Variants in HCN3 observed in about 807,000 individuals in gnomAD.
The protein encoded by HCN3 is potassium/sodium hyperpolarization-activated cyclic nucleotide-gated channel 3.
A neutral mutation model predicts 56.8 loss-of-function variants in HCN3; 36 were observed. The ratio of observed to expected loss-of-function variants is 0.63; its 90% CI spans 0.49 to 0.84. The LOEUF (loss-of-function observed/expected upper bound fraction) is 0.84. HCN3 is among the 40% of genes least tolerant of loss of function. The pLI, the probability that HCN3 is intolerant of heterozygous loss-of-function variation, is 0.00. For missense variants in HCN3, 930 were observed against 1,079.3 expected, an observed-to-expected ratio of 0.86 and a Z score of 1.94; for synonymous variants, 425 against 439.7, an observed-to-expected ratio of 0.97 and a Z score of 0.42.
In HCN3 at chr1:155,282,378, A is replaced by C. The variant is rs757979639; in HGVS notation, c.279-33A>C. On this transcript the variant is annotated intron_variant, in intron 1 of 7. Transcript: ENST00000368358. This position sits in a 1 kb window ranked among gnomAD's most constrained non-coding sequence, Gnocchi z 4.7. ...GTCTAGTGGCTGGTGAAATATCCTCATGGTCTTACTCCTCATCTCACTCCC... is the reference window on the plus strand; with the variant it reads ...GTCTAGTGGCTGGTGAAATATCCTCCTGGTCTTACTCCTCATCTCACTCCC... 1.9e-6 allele frequency: 3 copies of C among 1,599,740 alleles called. No individual in the cohort carries two copies. Among genetic ancestry groups the C allele is most frequent in the South Asian group, 2.2e-5 (2 of 89,774 alleles).
Position 155,284,173 on chromosome 1 carries a change from C to T in HCN3, c.870+38C>T. Reference sequence around the variant, plus strand: ...CACAGCTCTGCCTTTCCTGGGCCTTCTTAGGGCTCTTCTGCCTGAGTAGCA... The same window carrying T: ...CACAGCTCTGCCTTTCCTGGGCCTTTTTAGGGCTCTTCTGCCTGAGTAGCA... On this transcript the variant is annotated intron_variant, in intron 3 of 7. Transcript: ENST00000368358. The surrounding 1 kb of genome is among the most constrained non-coding windows in gnomAD (Gnocchi z 4.3). The T allele has an allele frequency of 1.2e-6, 2 of 1,603,450 alleles. No individual in the cohort carries two copies. Among genetic ancestry groups the T allele is most frequent in the South Asian group, 2.2e-5 (2 of 90,198 alleles).
chr1:155,288,231 C>T lies in HCN3; in HGVS notation c.2093C>T (p.Pro698Leu), dbSNP rs545000025. Residue 698 changes from proline to leucine, a missense_variant, in exon 8 of 8, where the codon CCA becomes CTA. By Grantham distance (98) the Pro-to-Leu change is moderately conservative (BLOSUM62 -3). Transcript: ENST00000368358. The surrounding 1 kb of genome is among the most constrained non-coding windows in gnomAD (Gnocchi z 6.5). ...RSQVSLLGPPPGGGGRRLGPR... is the reference protein window; with the variant it reads ...RSQVSLLGPPLGGGGRRLGPR... ...CAGGTCTCCCTGCTGGGTCCCCCTC[C>T]AGGAGGAGGTGGACGGCGGCTAGGA... 6.3e-7 allele frequency: 1 copy of T among 1,582,458 alleles called. No homozygotes were observed. The highest frequency in any genetic ancestry group is 1.1e-5 in the South Asian group (1 of 88,960).
chr1:155,277,481 C>T lies in HCN3; in HGVS notation c.-110C>T. 7.5e-7 allele frequency: 1 copy of T among 1,332,160 alleles called. No homozygotes were observed. The highest frequency in any genetic ancestry group is 1.0e-6 in the Non-Finnish European group (1 of 1,004,724). The allele number at this position is 1,332,160 out of a possible 1,614,324, so 82.5% of individuals were successfully genotyped here. A position where few individuals can be genotyped will look rare whatever the true frequency, so the allele number is the denominator to read the frequency against. On this transcript the variant is annotated 5_prime_UTR_variant, in exon 1 of 8. Coordinates refer to ENST00000368358, the MANE Select transcript of HCN3 (RefSeq NM_020897.3). ...CGCCGGCGATTCCGAGCCTACGACG[C>T]CTCCGCTAGAGCCCGCGGGGCTGCG... is the stretch of plus-strand genomic sequence containing the variant.
At chr1:155,279,108 G>T (rs1241352405) in intron 1 of HCN3, among the ~76,000 whole-genome samples, 1 of 152,176 alleles carries the variant, frequency 6.6e-6, no homozygotes, top group Non-Finnish European at 1.5e-5. Context: ...CAGTCTAAGG[G>T]GCTTCCCAGA....
chr1:155,280,183 G>T (rs1318299840), intron 1 of HCN3, among the ~76,000 whole-genome samples: 4 of 151,958 alleles, frequency 2.6e-5, no homozygotes, highest in African/African-American at 9.7e-5. Context: ...TTGACCTCGT[G>T]ATCCACCCAC....
intron 6 of HCN3, among the ~76,000 whole-genome samples, chr1:155,286,732 C>T (rs1184147967): frequency 6.6e-6 from 1 of 151,746 alleles, no homozygotes; most frequent in Admixed American, 6.6e-5. Flanking sequence ...CCACCCACTA[C>T]TCCCATCATG....
Position 155,277,882 on chromosome 1 carries a change from G to C in HCN3, c.278+14G>C. The C allele has an allele frequency of 6.2e-7, 1 of 1,610,688 alleles. No individual in the cohort carries two copies. The highest frequency in any genetic ancestry group is 8.5e-7 in the Non-Finnish European group (1 of 1,179,108). On this transcript the variant is annotated intron_variant, in intron 1 of 7. Coordinates refer to ENST00000368358, the MANE Select transcript of HCN3 (RefSeq NM_020897.3). ...CAGCGACTTCCGGTATTGGGGGCTTGGCGGGGAGGGCAGGGTACATCAATC... is the reference window on the plus strand; with the variant it reads ...CAGCGACTTCCGGTATTGGGGGCTTCGCGGGGAGGGCAGGGTACATCAATC...
In HCN3 at chr1:155,284,829, A is replaced by ATTCTGATGTGTGCCCCTGTTGCG; in HGVS notation, c.1089+74_1089+96dup. ...GACTGGGTAGCCTGACTTGAGGCCC[A>ATTCTGATGTGTGCCCCTGTTGCG]TTCTGATGTGTGCCCCTGTTGCGTC... On this transcript the variant is annotated intron_variant, in intron 4 of 7. Coordinates refer to ENST00000368358, the MANE Select transcript of HCN3 (RefSeq NM_020897.3). This position sits in a 1 kb window ranked among gnomAD's most constrained non-coding sequence, Gnocchi z 4.3. The ATTCTGATGTGTGCCCCTGTTGCG allele has an allele frequency of 7.5e-7, 1 of 1,333,736 alleles. No homozygotes were observed. The highest frequency in any genetic ancestry group is 1.3e-5 in the South Asian group (1 of 74,174). The allele number at this position is 1,333,736 out of a possible 1,614,324, so 82.6% of individuals were successfully genotyped here. A position where few individuals can be genotyped will look rare whatever the true frequency, so the allele number is the denominator to read the frequency against.
chr1:155,284,858 GT>G lies in HCN3; in HGVS notation c.1089+104del. ...TGATGTGTGCCCCTGTTGCGTCTCT[GT>G]TTCCTTTCCTGCCCTGTGTCCATTT... On this transcript the variant is annotated intron_variant, in intron 4 of 7. Transcript: ENST00000368358. This position sits in a 1 kb window ranked among gnomAD's most constrained non-coding sequence, Gnocchi z 4.3. 9.0e-7 allele frequency: 1 copy of G among 1,108,930 alleles called. No individual in the cohort carries two copies. Among genetic ancestry groups the G allele is most frequent in the Non-Finnish European group, 1.3e-6 (1 of 773,040 alleles). The allele number at this position is 1,108,930 out of a possible 1,614,324, so 68.7% of individuals were successfully genotyped here.
rs747396154 is a variant in HCN3, at chr1:155,288,081, G to T, written c.1943G>T (p.Arg648Leu). 1.2e-6 allele frequency: 2 copies of T among 1,611,730 alleles called. No homozygotes were observed. Among genetic ancestry groups the T allele is most frequent in the African/African-American group, 1.3e-5 (1 of 74,960 alleles). ...PATLLARSAW[R>L]SAGSPASPLV... ...ACCCTCCTTGCTCGCTCTGCTTGGCGCTCAGCAGGCTCTCCAGCTTCCCCG... is the reference window on the plus strand; with the variant it reads ...ACCCTCCTTGCTCGCTCTGCTTGGCTCTCAGCAGGCTCTCCAGCTTCCCCG... The change falls in exon 8 of 8, where the codon CGC becomes CTC. Residue 648 changes from arginine (R) to leucine (L), a missense_variant. Arg to Leu is a moderately radical substitution (Grantham distance 102, BLOSUM62 -2). Transcript: ENST00000368358. The surrounding 1 kb of genome is among the most constrained non-coding windows in gnomAD (Gnocchi z 6.5).
Position 155,285,920 on chromosome 1 carries a change from G to T in HCN3, c.1433G>T (p.Arg478Leu). ...IQHGLLSVLARGARDTRLTDG... is the reference protein window; with the variant it reads ...IQHGLLSVLALGARDTRLTDG... The stretch of plus-strand genomic sequence containing the variant: ...CATGGGCTGCTCAGTGTGCTGGCCC[G>T]CGGCGCCCGGGACACACGCCTCACC... The change falls in exon 6 of 8, where the codon CGC (arginine) becomes CTC (leucine). Residue 478 changes from arginine to leucine, a missense_variant. Coordinates refer to ENST00000368358, the MANE Select transcript of HCN3 (RefSeq NM_020897.3). The surrounding 1 kb of genome is among the most constrained non-coding windows in gnomAD (Gnocchi z 4.5). 1 of 1,607,542 alleles carries T rather than the reference G, an allele frequency of 6.2e-7. No individual in the cohort carries two copies. Among genetic ancestry groups the T allele is most frequent in the Non-Finnish European group, 8.5e-7 (1 of 1,175,056 alleles).
At chr1:155,286,919 A>T (rs1485227906) in intron 6 of HCN3, among the ~76,000 whole-genome samples, 1 of 152,062 alleles carries the variant, frequency 6.6e-6, no homozygotes, top group African/African-American at 2.4e-5. Flanking sequence ...GGCCAGCAAG[A>T]CCTGCCTGGT....
At chr1:155,277,908 C>T (rs768696983) in intron 1 of HCN3, 40 bp downstream of exon 1, 2 of 1,592,302 alleles carry the variant, frequency 1.3e-6, no homozygotes, top group Admixed American at 1.7e-5. Flanking sequence ...TACATCAATC[C>T]CACCCTCGCG....
rs747740586 is a variant in HCN3, at chr1:155,284,607, C to T, written c.939C>T (p.Gly313=). ...FKAMSHMLCI[G]YGQQAPVGMP... Reference sequence around the variant, plus strand: ...CCATGAGCCACATGCTGTGCATTGGCTATGGGCAGCAGGCACCTGTAGGCA... The same window carrying T: ...CCATGAGCCACATGCTGTGCATTGGTTATGGGCAGCAGGCACCTGTAGGCA... The change falls in exon 4 of 8, where the codon GGC becomes GGT. Residue 313 remains glycine, a synonymous_variant. Transcript: ENST00000368358. This position sits in a 1 kb window ranked among gnomAD's most constrained non-coding sequence, Gnocchi z 4.3. 35 of 1,614,002 alleles carry T rather than the reference C, an allele frequency of 2.2e-5. No individual in the cohort carries two copies. In the East Asian group the frequency reaches 2.7e-4, roughly 12 times the overall value.
At chr1:155,279,048 C>T (rs1446540682) in intron 1 of HCN3, among the ~76,000 whole-genome samples, 2 of 152,118 alleles carry the variant, frequency 1.3e-5, no homozygotes, top group African/African-American at 4.8e-5. Context: ...CCTCAGCAGC[C>T]GAGGAGAGAA....
Position 155,287,347 on chromosome 1 carries a change from G to A in HCN3, c.1642+10G>A, listed in dbSNP as rs763412553. The stretch of plus-strand genomic sequence containing the variant: ...CGGCTGCTCCGCATCGGTGAGACCT[G>A]TCCACCCCATCTGCTCTGGGTCCAG... On this transcript the variant is annotated intron_variant, in intron 7 of 7. Transcript: ENST00000368358. The A allele has an allele frequency of 1.1e-5, 17 of 1,613,484 alleles. No homozygotes were observed. The highest frequency in any genetic ancestry group is 1.3e-5 in the Non-Finnish European group (15 of 1,179,814).
intron 6 of HCN3, 90 bp from the exon 7 acceptor site, chr1:155,287,083 C>A: frequency 6.8e-7 from 1 of 1,470,314 alleles, no homozygotes. Flanking sequence ...AGGGAGGAGC[C>A]TTAGAAAGTT....
chr1:155,282,620 C>T lies in HCN3; in HGVS notation c.488C>T (p.Ala163Val), dbSNP rs762293040. 3.7e-6 allele frequency: 6 copies of T among 1,614,236 alleles called. No homozygotes were observed. The highest frequency in any genetic ancestry group is 5.1e-6 in the Non-Finnish European group (6 of 1,180,050). The change falls in exon 2 of 8, where the codon GCC becomes GTC. Residue 163 changes from alanine to valine, a missense_variant. Transcript: ENST00000368358. This position sits in a 1 kb window ranked among gnomAD's most constrained non-coding sequence, Gnocchi z 4.7. ...GCTGAGATCCTGCTGGCACCGCGGG[C>T]CATCCGCACGCGCTACCTGCGCACC... Reference protein sequence around the residue: ...EGAEILLAPRAIRTRYLRTWF... With the variant: ...EGAEILLAPRVIRTRYLRTWF...
rs774471370 is a variant in HCN3 at position 155,287,331 on chromosome 1, C to T, written c.1636C>T (p.Arg546Cys). The change falls in exon 7 of 8, where the codon CGC becomes TGC. Residue 546 changes from arginine (R) to cysteine (C), a missense_variant. Physicochemically the swap from Arg to Cys is radical, Grantham distance 180. Transcript: ENST00000368358. The part of the protein sequence containing the change: ...FETVAMDRLL[R>C]IGKKNSILQR... ...GACTGTGGCCATGGATCGGCTGCTCCGCATCGGTGAGACCTGTCCACCCCA... is the reference window on the plus strand; with the variant it reads ...GACTGTGGCCATGGATCGGCTGCTCTGCATCGGTGAGACCTGTCCACCCCA... 4.3e-5 allele frequency: 69 copies of T among 1,613,710 alleles called. No individual in the cohort carries two copies. Among genetic ancestry groups the T allele is most frequent in the South Asian group, 1.3e-4 (12 of 91,070 alleles).
Sources: allele counts gnomAD v4.1 joint callset (sites outside exome capture counted in the v4.1 genomes callset), GRCh38; gene constraint gnomAD v4.1.1; non-coding constraint Gnocchi (gnomAD v3.1); transcripts MANE v1.5; gene names NCBI Gene and HGNC (gene_info 2026-07-23, HGNC 2026-07-21).